The following ATAD2B variants were observed in gnomAD, a reference collection of about 807,000 sequenced individuals.
The protein encoded by ATAD2B is ATPase family AAA domain containing 2B.
Under a neutral mutation model 167.6 loss-of-function variants are expected in ATAD2B, and 40 were observed. That is an observed-to-expected ratio of 0.24 (90% CI 0.19 to 0.31). The LOEUF (loss-of-function observed/expected upper bound fraction) is 0.31. Ranked by LOEUF, ATAD2B falls within the 10% of genes least tolerant of loss-of-function variation. The pLI, the probability that ATAD2B is intolerant of heterozygous loss-of-function variation, is 1.00. For missense variants in ATAD2B, 1,242 were observed against 1,757.2 expected (o/e 0.71, Z 5.24); for synonymous variants, 579 against 596.5 (o/e 0.97, Z 0.43).
At chr2:23,694,659 G>T in the ATAD2B span, among the ~76,000 whole-genome samples, 2 of 152,130 alleles carry the variant, frequency 1.3e-5, no homozygotes, top group Non-Finnish European at 2.9e-5. Flanking sequence ...GTTACATCTC[G>T]TAAGAATAAA....
chr2:23,875,212 T>A (rs975093092), intron 8 of ATAD2B, among the ~76,000 whole-genome samples: 2 of 151,176 alleles, frequency 1.3e-5, no homozygotes, highest in African/African-American at 4.9e-5. Flanking sequence ...CTTTTAAAAG[T>A]AGAAACTGGT....
intron 1 of ATAD2B, among the ~76,000 whole-genome samples, chr2:23,924,393 G>A (rs1348218457): frequency 6.6e-6 from 1 of 152,094 alleles, no homozygotes; most frequent in Admixed American, 6.6e-5. Context: ...AGACATAGAG[G>A]GTGTCTTTAA....
At chr2:23,709,528 T>G in the ATAD2B span, among the ~76,000 whole-genome samples, 1 of 151,912 alleles carries the variant, frequency 6.6e-6, no homozygotes, top group Non-Finnish European at 1.5e-5. Flanking sequence ...GCAGGGAAAG[T>G]AGTTTAGATT....
At chr2:23,900,936 C>T (rs931112778) in intron 1 of ATAD2B, 1 of 152,922 alleles carries the variant, frequency 6.5e-6, no homozygotes, top group Non-Finnish European at 1.5e-5. Flanking sequence ...AGACTTGCGC[C>T]TGATCTCCCT....
At chr2:23,855,741 T>C (rs1693289740) in intron 13 of ATAD2B, among the ~76,000 whole-genome samples, 1 of 152,104 alleles carries the variant, frequency 6.6e-6, no homozygotes, top group African/African-American at 2.4e-5. Context: ...ATACAAAAAT[T>C]AGCCAGGTGG....
At chr2:23,691,920 G>C in the ATAD2B span, 3 of 1,521,558 alleles carry the variant, frequency 2.0e-6, no homozygotes, top group Non-Finnish European at 2.7e-6. Context: ...GAAGAGTGCA[G>C]ATGGGCGGAG....
At chr2:23,833,863 T>A in intron 14 of ATAD2B, 56 bp downstream of exon 14, 3 of 1,332,396 alleles carry the variant, frequency 2.3e-6, no homozygotes, top group South Asian at 1.5e-5. Context: ...TCAGAACATA[T>A]GCCTTATAGT....
chr2:23,698,777 T>TC, the ATAD2B span, among the ~76,000 whole-genome samples: 12 of 152,074 alleles, frequency 7.9e-5, no homozygotes, highest in Non-Finnish European at 1.8e-4. Context: ...CATTAGCATA[T>TC]CCTTCTCAAG....
At chr2:23,760,542 C>T (rs1011141605) in intron 24 of ATAD2B, among the ~76,000 whole-genome samples, 2 of 151,650 alleles carry the variant, frequency 1.3e-5, no homozygotes, top group Non-Finnish European at 2.9e-5. Context: ...AGGCGCCTGT[C>T]GTCCCAGTAG....
chr2:23,877,107 T>C (rs985317931), intron 7 of ATAD2B, among the ~76,000 whole-genome samples: 11 of 146,376 alleles, frequency 7.5e-5, no homozygotes, highest in African/African-American at 2.8e-4. Flanking sequence ...TTTAGCACAA[T>C]CCATTCAAAG....
At chr2:23,782,467 A>G (rs1402015300) in intron 22 of ATAD2B, among the ~76,000 whole-genome samples, 1 of 152,358 alleles carries the variant, frequency 6.6e-6, no homozygotes, top group South Asian at 2.1e-4. Context: ...AAAAGAACAG[A>G]TAACATTCTA....
intron 1 of ATAD2B, among the ~76,000 whole-genome samples, chr2:23,904,631 T>A: frequency 6.9e-6 from 1 of 144,992 alleles, no homozygotes; most frequent in African/African-American, 2.6e-5. Context: ...ATTTAAAGAG[T>A]AAGTAAATGA....
intron 16 of ATAD2B, among the ~76,000 whole-genome samples, chr2:23,820,488 C>T (rs1687274937): frequency 6.6e-6 from 1 of 152,144 alleles, no homozygotes; most frequent in African/African-American, 2.4e-5. Flanking sequence ...GAGAATGCAA[C>T]ACTTAAAGCC....
chr2:23,820,009 G>A, intron 16 of ATAD2B, 127 bp from the exon 17 acceptor site: 1 of 580,560 alleles, frequency 1.7e-6, no homozygotes, highest in Non-Finnish European at 2.9e-6. Context: ...AAATAATACA[G>A]GCAAACTGAC....
At chr2:23,853,634 T>C (rs538113939) in intron 13 of ATAD2B, among the ~76,000 whole-genome samples, 4 of 152,326 alleles carry the variant, frequency 2.6e-5, no homozygotes, top group East Asian at 1.9e-4. Context: ...TCTTCCCAAA[T>C]AGATCGAAGG....
At chr2:23,699,152 C>A in the ATAD2B span, among the ~76,000 whole-genome samples, 1 of 152,234 alleles carries the variant, frequency 6.6e-6, no homozygotes, top group South Asian at 2.1e-4. Context: ...GTCACATCAC[C>A]CTCGCTCAGA....
chr2:23,822,207 C>T (rs990532518), intron 16 of ATAD2B, among the ~76,000 whole-genome samples: 1 of 152,198 alleles, frequency 6.6e-6, no homozygotes, highest in Admixed American at 6.5e-5. Flanking sequence ...TGGGTTGAGG[C>T]AGTCCCCAGA....
chr2:23,855,553 C>T (rs977628511), intron 13 of ATAD2B, among the ~76,000 whole-genome samples: 2 of 152,134 alleles, frequency 1.3e-5, no homozygotes, highest in African/African-American at 4.8e-5. Flanking sequence ...GAAACTTAAA[C>T]ACACATTTAC....
chr2:23,792,841 A>G (rs1681974460), intron 19 of ATAD2B, among the ~76,000 whole-genome samples: 1 of 151,678 alleles, frequency 6.6e-6, no homozygotes, highest in Admixed American at 6.6e-5. Flanking sequence ...GGGCGCCTTT[A>G]GTCCCAGCTA....
Sources: allele counts gnomAD v4.1 joint callset (sites outside exome capture counted in the v4.1 genomes callset), GRCh38; gene constraint gnomAD v4.1.1; transcripts MANE v1.5; gene names NCBI Gene and HGNC (gene_info 2026-07-23, HGNC 2026-07-21).